Variants in NUBP2 observed in about 807,000 individuals in gnomAD.
The protein encoded by NUBP2 is cytosolic Fe-S cluster assembly factor NUBP2.
In NUBP2, 23 loss-of-function variants were observed where a neutral mutation model predicts 24.9. The ratio of observed to expected loss-of-function variants is 0.92; its 90% confidence interval spans 0.66 to 1.31. The LOEUF (loss-of-function observed/expected upper bound fraction) is 1.31, where lower values mean the gene tolerates loss of function less well. Ranked by LOEUF, NUBP2 falls within the 50% of genes most tolerant of loss-of-function variation. NUBP2 has a pLI of 0.00. For synonymous variants in NUBP2, 186 were observed against 170.9 expected, an observed-to-expected ratio of 1.09 and a Z score of -0.69; for missense variants, 403 against 386.5, an observed-to-expected ratio of 1.04 and a Z score of -0.36.
At chr16:1,787,558 G>A in intron 3 of NUBP2, 119 bp from the exon 4 acceptor site, 1 of 1,335,250 alleles carries the variant, frequency 7.5e-7, no homozygotes, top group African/African-American at 1.4e-5. Flanking sequence ...GGAGGCTGGT[G>A]GCAAGTGACA....
chr16:1,783,157 G>T, intron 1 of NUBP2, 121 bp downstream of exon 1: 1 of 1,194,070 alleles, frequency 8.4e-7, no homozygotes, highest in Non-Finnish European at 1.0e-6. Context: ...CGGCCGGCGT[G>T]GCTGGGCCGG....
chr16:1,788,625 A>C lies in NUBP2; in HGVS notation c.727A>C (p.Ile243Leu), dbSNP rs1265808543. ...MRTLEEGHDF[I>L]QEFPGSPAFA... ...GACCCTGGAGGAGGGCCACGACTTCATCCAGGAGTTCCCTGGGAGCCCCGC... is the reference window on the plus strand; with the variant it reads ...GACCCTGGAGGAGGGCCACGACTTCCTCCAGGAGTTCCCTGGGAGCCCCGC... The change falls in exon 7 of 7, where the codon ATC (isoleucine) becomes CTC (leucine). Residue 243 changes from isoleucine (I) to leucine (L), a missense_variant. Coordinates refer to ENST00000262302, the MANE Select transcript of NUBP2 (RefSeq NM_012225.4). 1 of 1,611,310 alleles carries C rather than the reference A, an allele frequency of 6.2e-7. No homozygotes were observed. The highest frequency in any genetic ancestry group is 2.2e-5 in the East Asian group (1 of 44,836).
intron 1 of NUBP2, chr16:1,785,019 T>C (rs1896895807): frequency 1.1e-6 from 1 of 928,926 alleles, no homozygotes; most frequent in Non-Finnish European, 1.3e-6. Context: ...GCCACTGTAC[T>C]CCAGCCTGGG....
chr16:1,786,039 T>C (rs993584574), intron 1 of NUBP2: 34 of 1,160,866 alleles, frequency 2.9e-5, no homozygotes, highest in Non-Finnish European at 3.7e-5. Context: ...TACCGCACAT[T>C]GCAGGGACCG....
Position 1,786,796 on chromosome 16 carries a change from C to G in NUBP2, c.175C>G (p.Pro59Ala). ...TGTGGACCTGTGTGGCCCCAGTATC[C>G]CCCGCATGCTCGGGGCGCAGGGCAG... ...LDVDLCGPSI[P>A]RMLGAQGRAV... The change falls in exon 3 of 7, where the codon CCC (proline) becomes GCC (alanine). Residue 59 changes from proline (P) to alanine (A), a missense_variant. By Grantham distance (27) the Pro-to-Ala change is conservative. Transcript: ENST00000262302. 6.2e-7 allele frequency: 1 copy of G among 1,610,310 alleles called. No homozygotes were observed. Among genetic ancestry groups the G allele is most frequent in the Non-Finnish European group, 8.5e-7 (1 of 1,178,330 alleles).
chr16:1,783,199 C>A lies in NUBP2; in HGVS notation c.16+163C>A, dbSNP rs377109656. 4.3e-6 allele frequency: 5 copies of A among 1,172,628 alleles called. No individual in the cohort carries two copies. In the East Asian group the frequency reaches 1.5e-4, roughly 36 times the overall value. The allele number at this position is 1,172,628 out of a possible 1,614,324, so 72.6% of individuals were successfully genotyped here. A position where few individuals can be genotyped will look rare whatever the true frequency, so the allele number is the denominator to read the frequency against. Reference sequence around the variant, plus strand: ...GGCCGCGGCGCGGGCATTTTCTAAACAGGGTCGTTTCCCGCGTGCTCCTGC... The same window carrying A: ...GGCCGCGGCGCGGGCATTTTCTAAAAAGGGTCGTTTCCCGCGTGCTCCTGC... On this transcript the variant is annotated intron_variant, in intron 1 of 6. Transcript: ENST00000262302.
At chr16:1,783,564 G>A in intron 1 of NUBP2, 5 of 932,526 alleles carry the variant, frequency 5.4e-6, no homozygotes, top group Non-Finnish European at 6.4e-6. Flanking sequence ...CCAGATCAGC[G>A]CCGTGGGCCC....
At position 1,788,794 on chromosome 16, in the gene NUBP2, G is replaced by T; in HGVS notation, c.*80G>T. 6.7e-7 allele frequency: 1 copy of T among 1,487,050 alleles called. No homozygotes were observed. Among genetic ancestry groups the T allele is most frequent in the Admixed American group, 2.2e-5 (1 of 46,480 alleles). 92.1% of individuals were successfully genotyped at this position (1,487,050 alleles called of 1,614,324 possible). ...CTCAGAGAAACAGAGGCCTGGGCTCGGTTCCCGGGCCCTGCAGGGGCAGGC... is the reference window on the plus strand; with the variant it reads ...CTCAGAGAAACAGAGGCCTGGGCTCTGTTCCCGGGCCCTGCAGGGGCAGGC... On this transcript the variant is annotated 3_prime_UTR_variant, in exon 7 of 7. Transcript: ENST00000262302.
intron 3 of NUBP2, 157 bp from the exon 4 acceptor site, chr16:1,787,520 G>A (rs995591710): frequency 1.7e-5 from 16 of 963,976 alleles, no homozygotes; most frequent in African/African-American, 9.8e-5. Context: ...CTCCTGCAGC[G>A]GGCCAGGGCC....
In NUBP2 at chr16:1,788,910, C is replaced by T. The variant is rs778828024; in HGVS notation, c.*196C>T. ...GCTCTGCCTGGTTGGCCTGCAGTGC[C>T]GTGGTCTGCGTGCTCTGCAGCTGTG... On this transcript the variant is annotated 3_prime_UTR_variant, in exon 7 of 7. Transcript: ENST00000262302. 4.3e-5 allele frequency: 28 copies of T among 658,312 alleles called. No individual in the cohort carries two copies. Among genetic ancestry groups the T allele is most frequent in the Non-Finnish European group, 5.4e-5 (22 of 405,318 alleles). The allele number at this position is 658,312 out of a possible 1,614,324, so 40.8% of individuals were successfully genotyped here. A position where few individuals can be genotyped will look rare whatever the true frequency, so the allele number is the denominator to read the frequency against.
intron 3 of NUBP2, 142 bp downstream of exon 3, chr16:1,787,097 C>G: frequency 2.6e-6 from 2 of 774,252 alleles, no homozygotes; most frequent in Non-Finnish European, 3.9e-6. Flanking sequence ...GCACAGGGCT[C>G]AGGCTGGCGG....
At chr16:1,786,458 A>AGAGG (rs1896970955) in intron 1 of NUBP2, 79 bp from the exon 2 acceptor site, 4 of 1,241,400 alleles carry the variant, frequency 3.2e-6, no homozygotes, top group Middle Eastern at 4.4e-4. Context: ...CGTGGGTGCA[A>AGAGG]GAGGCAGTGG....
chr16:1,785,435 A>G (rs1596869736), intron 1 of NUBP2: 1 of 1,181,728 alleles, frequency 8.5e-7, no homozygotes, highest in African/African-American at 1.6e-5. Flanking sequence ...GGGGGTTAAC[A>G]CTGCCGCTGG....
rs1897070919 is a variant in NUBP2, at chr16:1,788,019, A to C, written c.568A>C (p.Asn190His). Reference sequence around the variant, plus strand: ...CTTGCGGGTGATGGGAATCGTGGAGAATATGAGCGGCTTCACCTGCCCACA... The same window carrying C: ...CTTGCGGGTGATGGGAATCGTGGAGCATATGAGCGGCTTCACCTGCCCACA... ...TGLRVMGIVENMSGFTCPHCT... is the reference protein window; with the variant it reads ...TGLRVMGIVEHMSGFTCPHCT... Residue 190 changes from asparagine to histidine, a missense_variant, in exon 5 of 7, where the codon AAT (asparagine) becomes CAT (histidine). By Grantham distance (68) the Asn-to-His change is moderately conservative. Transcript: ENST00000262302. 7 of 1,601,260 alleles carry C rather than the reference A, an allele frequency of 4.4e-6. No homozygotes were observed. The highest frequency in any genetic ancestry group is 6.0e-6 in the Non-Finnish European group (7 of 1,175,986).
intron 1 of NUBP2, chr16:1,783,369 G>A (rs75929366): frequency 2.8e-6 from 3 of 1,085,734 alleles, no homozygotes. Context: ...GGTTGCAACT[G>A]CACCGCAGCC....
chr16:1,783,057 C>A, intron 1 of NUBP2, 21 bp downstream of exon 1: 1 of 1,298,338 alleles, frequency 7.7e-7, no homozygotes, highest in Non-Finnish European at 9.8e-7. Flanking sequence ...GGCCAGGGTG[C>A]GGAGCCGCTC....
At chr16:1,786,050 A>G in intron 1 of NUBP2, 1 of 1,131,958 alleles carries the variant, frequency 8.8e-7, no homozygotes, top group East Asian at 6.1e-5. Context: ...GCAGGGACCG[A>G]GAGCCGGGGA....
At chr16:1,783,068 C>G in intron 1 of NUBP2, 32 bp downstream of exon 1, 3 of 1,252,258 alleles carry the variant, frequency 2.4e-6, no homozygotes, top group Non-Finnish European at 2.0e-6. Flanking sequence ...GGAGCCGCTC[C>G]AGGGCCTCGC....
intron 1 of NUBP2, chr16:1,784,115 A>G: frequency 2.4e-6 from 2 of 827,606 alleles, no homozygotes; most frequent in Non-Finnish European, 1.5e-6. Flanking sequence ...TTTTTGAGAC[A>G]GGGTCTTAAC....
Sources: gnomAD v4.1 joint callset for allele counts on GRCh38, gnomAD v4.1.1 for gene constraint, MANE v1.5 for transcripts, NCBI Gene and HGNC (gene_info 2026-07-23, HGNC 2026-07-21) for gene names.